Variants in TRPM3 observed in about 807,000 individuals in gnomAD.
TRPM3 encodes transient receptor potential cation channel subfamily M member 3.
TRPM3 carries 77 observed loss-of-function variants against 181.2 expected under a neutral mutation model. The observed-to-expected ratio is 0.42, with a 90% CI of 0.35 to 0.51. The LOEUF (loss-of-function observed/expected upper bound fraction) is 0.51. TRPM3 is among the 20% of genes least tolerant of loss of function. The probability of loss-of-function intolerance (pLI) is 0.01; values close to 1 mark genes in which losing one functional copy is unlikely to be tolerated. For missense variants in TRPM3, 1,759 were observed against 2,196.7 expected (o/e 0.80, Z 3.98); for synonymous variants, 745 against 796.4 (o/e 0.94, Z 1.09).
chr9:70,540,923 T>C (rs1381915062), intron 25 of TRPM3, among the ~76,000 whole-genome samples: 1 of 152,124 alleles, frequency 6.6e-6, no homozygotes, highest in East Asian at 1.9e-4. Context: ...GGTTTCACCA[T>C]GTTGCCTAGG....
chr9:71,027,154 G>A (rs1172641702), intron 1 of TRPM3, among the ~76,000 whole-genome samples: 1 of 152,046 alleles, frequency 6.6e-6, no homozygotes, highest in Admixed American at 6.5e-5. Flanking sequence ...ACAAAGCCAG[G>A]GCCCAATATC....
In TRPM3 at chr9:70,620,066, G is replaced by A; in HGVS notation, c.2129+10C>T. ...CCCCCTGACCAGCCCATTTTGCTGG[G>A]CGGACCCACCTGGAATTGTGATTCA... On this transcript the variant is annotated intron_variant, in intron 16 of 25. Transcript: ENST00000677713. 1 of 1,596,744 alleles carries A rather than the reference G, an allele frequency of 6.3e-7. No individual in the cohort carries two copies. Among genetic ancestry groups the A allele is most frequent in the Non-Finnish European group, 8.6e-7 (1 of 1,168,122 alleles).
intron 1 of TRPM3, among the ~76,000 whole-genome samples, chr9:71,071,675 A>G (rs2062782882): frequency 6.6e-6 from 1 of 152,168 alleles, no homozygotes; most frequent in Admixed American, 6.5e-5. Context: ...GTGATTAGAG[A>G]TATGGAACAG....
intron 1 of TRPM3, among the ~76,000 whole-genome samples, chr9:71,304,366 G>A (rs762712881): frequency 5.3e-5 from 8 of 152,154 alleles, no homozygotes; most frequent in Non-Finnish European, 7.3e-5. Context: ...CACCTCATCC[G>A]ACGGAAGGCA....
At chr9:70,998,259 A>AT (rs1403163260) in intron 1 of TRPM3, among the ~76,000 whole-genome samples, 1 of 132,914 alleles carries the variant, frequency 7.5e-6, no homozygotes, top group Non-Finnish European at 1.7e-5. Flanking sequence ...ACATATATAT[A>AT]TATATATTTT....
At chr9:71,377,653 A>T (rs2092698980) in intron 1 of TRPM3, among the ~76,000 whole-genome samples, 2 of 152,212 alleles carry the variant, frequency 1.3e-5, no homozygotes, top group South Asian at 4.1e-4. Flanking sequence ...AGAAAAAAGT[A>T]TACTATAAGC....
rs567020832 is a variant in TRPM3, at chr9:71,108,952, G to C, written c.177+12226C>G. On this transcript the variant is annotated intron_variant, in intron 1 of 25. Transcript: ENST00000677713. ...TTGGATGAGGTTTACATTTAAATTG[G>C]CAGACATTGAGTAAAGCAGATTACT... Among the ~76,000 whole-genome samples, 5 of 152,256 alleles carry C rather than the reference G, an allele frequency of 3.3e-5. No homozygotes were observed. The South Asian group carries it at 1.0e-3, about 32-fold the overall frequency.
chr9:70,952,827 G>A (rs565009207), intron 1 of TRPM3, among the ~76,000 whole-genome samples: 36 of 152,044 alleles, frequency 2.4e-4, no homozygotes, highest in Non-Finnish European at 4.1e-4. Context: ...AAATATTCTG[G>A]ATTTAATCCA....
rs140743695 is a variant in TRPM3 at position 70,838,663 on chromosome 9, A to T, written c.801+4340T>A. The stretch of plus-strand genomic sequence containing the variant: ...TGAGCTAAATTTGATGAAGTGTAGG[A>T]TTATGGATAGTAATAGAGGAGAGGG... On this transcript the variant is annotated intron_variant, in intron 5 of 25. Transcript: ENST00000677713. 2.2e-3 allele frequency among the ~76,000 whole-genome samples: 335 copies of T among 152,228 alleles called. 3 individuals carry two copies. Among genetic ancestry groups the T allele is most frequent in the African/African-American group, 7.6e-3 (315 of 41,552 alleles).
chr9:70,678,466 T>A (rs2064603970), intron 9 of TRPM3, among the ~76,000 whole-genome samples: 1 of 152,084 alleles, frequency 6.6e-6, no homozygotes, highest in Non-Finnish European at 1.5e-5. Flanking sequence ...ACTGGATAAG[T>A]CTGTATAATA....
chr9:70,878,677 G>C (rs773164951), intron 1 of TRPM3, among the ~76,000 whole-genome samples: 2 of 152,026 alleles, frequency 1.3e-5, no homozygotes, highest in Non-Finnish European at 2.9e-5. Context: ...GTTTCTAAAT[G>C]CTTATTCTCA....
intron 1 of TRPM3, among the ~76,000 whole-genome samples, chr9:71,192,247 A>G (rs929188354): frequency 1.4e-4 from 22 of 152,002 alleles, no homozygotes; most frequent in African/African-American, 4.8e-4. Context: ...CAATTAAAGA[A>G]TCTAAGCCTG....
Position 70,537,292 on chromosome 9 carries a change from C to A in TRPM3, c.3821G>T (p.Arg1274Leu), listed in dbSNP as rs202213081. The A allele has an allele frequency of 2.4e-4, 375 of 1,556,576 alleles. 2 individuals carry two copies. The East Asian group carries it at 6.5e-3, about 27-fold the overall frequency. The change falls in exon 26 of 26, where the codon CGC becomes CTC. Residue 1274 changes from arginine to leucine, a missense_variant. Transcript: ENST00000677713. ...RLAQLEDLIG[R>L]MATALERLTG... Reference sequence around the variant, plus strand: ...CAGGCGCTCCAGGGCCGTGGCCATGCGCCCGATAAGGTCTTCCAGCTGCGC... The same window carrying A: ...CAGGCGCTCCAGGGCCGTGGCCATGAGCCCGATAAGGTCTTCCAGCTGCGC...
intron 1 of TRPM3, among the ~76,000 whole-genome samples, chr9:71,439,511 C>A (rs758821882): frequency 2.6e-5 from 4 of 152,122 alleles, no homozygotes; most frequent in Non-Finnish European, 5.9e-5. Flanking sequence ...CAGCGAATGA[C>A]CTGAACCAGG....
At chr9:71,131,414 AC>A (rs2074365938) in intron 1 of TRPM3, among the ~76,000 whole-genome samples, 1 of 152,080 alleles carries the variant, frequency 6.6e-6, no homozygotes, top group African/African-American at 2.4e-5. Context: ...TGGTTTATTT[AC>A]TTTTGGCCTT....
At chr9:70,585,557 C>A (rs374663579) in intron 22 of TRPM3, among the ~76,000 whole-genome samples, 1 of 152,204 alleles carries the variant, frequency 6.6e-6, no homozygotes, top group African/African-American at 2.4e-5. Flanking sequence ...GTCCCAGATT[C>A]TCTATCTCAG....
intron 1 of TRPM3, among the ~76,000 whole-genome samples, chr9:71,120,111 T>C (rs929571363): frequency 6.6e-6 from 1 of 152,104 alleles, no homozygotes; most frequent in African/African-American, 2.4e-5. Context: ...CCAGAACACA[T>C]CCTCAGAACA....
intron 1 of TRPM3, among the ~76,000 whole-genome samples, chr9:71,259,425 T>G (rs1014559829): frequency 3.9e-5 from 6 of 152,204 alleles, no homozygotes; most frequent in African/African-American, 2.4e-5. Flanking sequence ...GATTGCTGGG[T>G]CAAGTGGTAT....
intron 1 of TRPM3, among the ~76,000 whole-genome samples, chr9:70,958,959 A>T (rs927245016): frequency 9.5e-5 from 14 of 146,956 alleles, no homozygotes; most frequent in Admixed American, 2.7e-4. Context: ...AACAATGAGA[A>T]CACATGGACA....
Sources: allele counts gnomAD v4.1 joint callset (sites outside exome capture counted in the v4.1 genomes callset), GRCh38; gene constraint gnomAD v4.1.1; transcripts MANE v1.5; gene names NCBI Gene and HGNC (gene_info 2026-07-23, HGNC 2026-07-21).